THOC2: variants seen among roughly 807,000 people sequenced by gnomAD.
THOC2 encodes the protein THO complex 2.
In THOC2, 10 loss-of-function variants were observed where a neutral mutation model predicts 128.4. The observed-to-expected ratio is 0.08, with a 90% confidence interval of 0.05 to 0.13. The LOEUF is 0.13. THOC2 is among the 10% of genes least tolerant of loss of function. The pLI is 1.00. For missense variants in THOC2, 535 were observed against 1,155.7 expected, an observed-to-expected ratio of 0.46 and a Z score of 7.79; for synonymous variants, 393 against 396.9, an observed-to-expected ratio of 0.99 and a Z score of 0.12.
rs191415962 is a variant in THOC2, at chrX:123,692,739, T to C, written c.601+3282A>G. Among the ~76,000 whole-genome samples, 13 of 110,792 alleles carry C rather than the reference T, an allele frequency of 1.2e-4. No individual in the cohort carries two copies. The East Asian group carries it at 3.7e-3, about 31-fold the overall frequency. Reference sequence around the variant, plus strand: ...CTGGTCTCAAATTCCAGACCTCAGGTGATCTGCCCACCTCGGCCACCCAGA... The same window carrying C: ...CTGGTCTCAAATTCCAGACCTCAGGCGATCTGCCCACCTCGGCCACCCAGA... On this transcript the variant is annotated intron_variant, in intron 7 of 38. Coordinates refer to ENST00000245838, the MANE Select transcript of THOC2 (RefSeq NM_001081550.2).
At chrX:123,689,359 C>T (rs921758899) in intron 7 of THOC2, among the ~76,000 whole-genome samples, 4 of 111,604 alleles carry the variant, frequency 3.6e-5, no homozygotes, top group African/African-American at 9.8e-5. Context: ...TCTCAGGTGC[C>T]GTAAGTCCAA....
At chrX:123,630,752 C>G (rs1462282425) in intron 22 of THOC2, among the ~76,000 whole-genome samples, 2 of 110,218 alleles carry the variant, frequency 1.8e-5, no homozygotes, top group African/African-American at 6.6e-5. Flanking sequence ...GGCTCTTCAA[C>G]AGAGGCTTTC....
At chrX:123,655,794 C>G (rs892789999) in intron 12 of THOC2, among the ~76,000 whole-genome samples, 1 of 111,137 alleles carries the variant, frequency 9.0e-6, no homozygotes, top group Non-Finnish European at 1.9e-5. Flanking sequence ...TTACCAAGCG[C>G]CAACGTATGA....
Position 123,647,770 on chromosome X carries a change from G to A in THOC2, c.1387-2395C>T, listed in dbSNP as rs189173312. On this transcript the variant is annotated intron_variant, in intron 12 of 38. Coordinates refer to ENST00000245838, the MANE Select transcript of THOC2 (RefSeq NM_001081550.2). ...GAATCGCTTGAACCTGGGAGGTGGA[G>A]GTTGAGGTTGCAGTGAGCCTAGATC... 6.2e-3 allele frequency among the ~76,000 whole-genome samples: 636 copies of A among 102,583 alleles called. 4 individuals carry two copies. Among genetic ancestry groups the A allele is most frequent in the African/African-American group, 0.021 (587 of 27,725 alleles). 89.1% of individuals were successfully genotyped at this position (102,583 alleles called of 115,157 possible).
chrX:123,693,464 T>A (rs1439679587), intron 7 of THOC2, among the ~76,000 whole-genome samples: 1 of 111,587 alleles, frequency 9.0e-6, no homozygotes, highest in East Asian at 2.8e-4. Context: ...AGACTCTGTC[T>A]CAAAAAAATA....
intron 8 of THOC2, among the ~76,000 whole-genome samples, chrX:123,681,386 G>A (rs1258262586): frequency 9.1e-6 from 1 of 110,220 alleles, no homozygotes; most frequent in Non-Finnish European, 1.9e-5. Context: ...GGGGGGTGGG[G>A]GGATGCCATT....
chrX:123,603,486 T>C, intron 38 of THOC2: 4 of 508,455 alleles, frequency 7.9e-6, no homozygotes, highest in Non-Finnish European at 1.4e-5. Flanking sequence ...CTGGATGGTG[T>C]ATCTCGAGTA....
chrX:123,695,126 T>G (rs2050399073), intron 7 of THOC2, among the ~76,000 whole-genome samples: 1 of 111,253 alleles, frequency 9.0e-6, no homozygotes, highest in Non-Finnish European at 1.9e-5. Flanking sequence ...TAGTCATATA[T>G]AAACTCCAAA....
chrX:123,699,428 C>T (rs1165291808), intron 4 of THOC2, among the ~76,000 whole-genome samples: 1 of 111,917 alleles, frequency 8.9e-6, no homozygotes, highest in Admixed American at 9.5e-5. Flanking sequence ...ATGTAAATTA[C>T]AATACAATCT....
At chrX:123,605,560 A>G (rs1351175695) in intron 38 of THOC2, among the ~76,000 whole-genome samples, 1 of 111,635 alleles carries the variant, frequency 9.0e-6, no homozygotes, top group Non-Finnish European at 1.9e-5. Context: ...CAAATAAGCA[A>G]GCTCTTTTAA....
At chrX:123,678,720 G>C (rs975703130) in intron 8 of THOC2, among the ~76,000 whole-genome samples, 1 of 110,048 alleles carries the variant, frequency 9.1e-6, no homozygotes, top group Non-Finnish European at 1.9e-5. Flanking sequence ...TGCAACCACC[G>C]TCATATATGT....
intron 8 of THOC2, among the ~76,000 whole-genome samples, chrX:123,683,703 C>T (rs1405435196): frequency 1.8e-5 from 2 of 109,419 alleles, no homozygotes; most frequent in African/African-American, 6.7e-5. Context: ...TGGGTTCAAG[C>T]AATTCTCCTG....
intron 3 of THOC2, among the ~76,000 whole-genome samples, chrX:123,703,890 T>TAAA (rs774877149): frequency 1.1e-4 from 4 of 37,007 alleles, no homozygotes; most frequent in Non-Finnish European, 1.6e-4. Flanking sequence ...ACTCTGTCTT[T>TAAA]AAAAAAAAAA....
intron 12 of THOC2, among the ~76,000 whole-genome samples, chrX:123,652,720 A>G (rs1433159079): frequency 9.0e-6 from 1 of 111,570 alleles, no homozygotes; most frequent in Non-Finnish European, 1.9e-5. Context: ...CTTATAAGGG[A>G]TGTGAAGGAC....
intron 12 of THOC2, among the ~76,000 whole-genome samples, chrX:123,653,799 C>T (rs990847765): frequency 1.3e-4 from 14 of 111,847 alleles, no homozygotes; most frequent in African/African-American, 4.2e-4. Flanking sequence ...AATGGTAATG[C>T]TTTTACACTG....
At chrX:123,720,591 G>A (rs771493828) in intron 1 of THOC2, among the ~76,000 whole-genome samples, 2 of 111,937 alleles carry the variant, frequency 1.8e-5, no homozygotes, top group African/African-American at 3.2e-5. Context: ...AGTCAGGATC[G>A]CACAGAGATA....
At chrX:123,720,800 TAAG>T (rs1287922209) in intron 1 of THOC2, among the ~76,000 whole-genome samples, 1 of 111,981 alleles carries the variant, frequency 8.9e-6, no homozygotes, top group Non-Finnish European at 1.9e-5. Flanking sequence ...TGTGCTAAGG[TAAG>T]AAGACAGCCA....
intron 12 of THOC2, among the ~76,000 whole-genome samples, chrX:123,659,334 A>G (rs2048734387): frequency 8.9e-6 from 1 of 112,708 alleles, no homozygotes; most frequent in Admixed American, 9.3e-5. Flanking sequence ...GCACTTTGGG[A>G]GGCCGAGGCG....
At chrX:123,638,759 C>CA (rs2047785000) in intron 17 of THOC2, among the ~76,000 whole-genome samples, 175 bp downstream of exon 17, 1 of 104,512 alleles carries the variant, frequency 9.6e-6, no homozygotes, top group African/African-American at 3.7e-5. Context: ...CACTCTCTCT[C>CA]TCTCTCACAT....
Sources: gnomAD v4.1 joint callset for allele counts (sites outside exome capture counted in the v4.1 genomes callset) on GRCh38, gnomAD v4.1.1 for gene constraint, MANE v1.5 for transcripts, NCBI Gene and HGNC (gene_info 2026-07-23, HGNC 2026-07-21) for gene names.